Variants in RIOK2 observed in about 807,000 individuals in gnomAD.
RIOK2 encodes the protein serine/threonine-protein kinase RIO2.
A neutral mutation model predicts 62.4 loss-of-function variants in RIOK2; 46 were observed. The ratio of observed to expected loss-of-function variants is 0.74; its 90% confidence interval spans 0.58 to 0.94. RIOK2 has a LOEUF of 0.94. RIOK2 is among the 40% of genes least tolerant of loss of function. The pLI, the probability that RIOK2 is intolerant of heterozygous loss-of-function variation, is 0.00. For missense variants in RIOK2, 574 were observed against 658.0 expected, an observed-to-expected ratio of 0.87 and a Z score of 1.40; for synonymous variants, 197 against 216.0, an observed-to-expected ratio of 0.91 and a Z score of 0.77.
chr5:97,179,353 C>T (rs1464541079), intron 1 of RIOK2, among the ~76,000 whole-genome samples, 160 bp from the exon 2 acceptor site: 3 of 152,164 alleles, frequency 2.0e-5, no homozygotes, highest in Admixed American at 2.0e-4. Flanking sequence ...TTTTTAATTG[C>T]AATTTGAAAT....
At chr5:97,182,902 C>A in intron 1 of RIOK2, 1 of 538,376 alleles carries the variant, frequency 1.9e-6, no homozygotes. Context: ...GAAAAGAAAA[C>A]AATTATTAGA....
chr5:97,167,651 C>G lies in RIOK2; in HGVS notation c.1213G>C (p.Gly405Arg). 1 of 1,614,182 alleles carries G rather than the reference C, an allele frequency of 6.2e-7. No individual in the cohort carries two copies. The highest frequency in any genetic ancestry group is 8.5e-7 in the Non-Finnish European group (1 of 1,180,004). The change falls in exon 8 of 10, where the codon GGG becomes CGG. Residue 405 changes from glycine (G) to arginine (R), a missense_variant. Transcript: ENST00000283109. ...EFNQALEEIK[G>R]QVVENNSVTE... is the part of the protein sequence containing the mutation. ...ACAGAGTTGTTTTCAACAACCTGCC[C>G]TTTTATTTCTTCTAAAGCTTGATTG...
At chr5:97,174,411 C>T (rs1163980758) in intron 4 of RIOK2, among the ~76,000 whole-genome samples, 1 of 150,560 alleles carries the variant, frequency 6.6e-6, no homozygotes. Context: ...TAGAGCAAGA[C>T]TACACCTCAA....
At chr5:97,182,792 G>GCT (rs1554083808) in intron 1 of RIOK2, 22 of 190,372 alleles carry the variant, frequency 1.2e-4, no homozygotes, top group African/African-American at 7.3e-4. Context: ...GGGGGGGGGG[G>GCT]GCTTAAACCT....
chr5:97,180,235 GAAGTT>G (rs1243742686), intron 1 of RIOK2, among the ~76,000 whole-genome samples: 2 of 146,042 alleles, frequency 1.4e-5, no homozygotes, highest in Non-Finnish European at 3.0e-5. Context: ...AAGTTTATTA[GAAGTT>G]AAGAAGTGAT....
Position 97,171,261 on chromosome 5 carries a change from T to C in RIOK2, c.724A>G (p.Ile242Val). ...FNLILDESDHITMIDFPQMVS... is the reference protein window; with the variant it reads ...FNLILDESDHVTMIDFPQMVS... ...ATCTGTGGAAAATCAATCATGGTGA[T>C]ATGGTCACTTTCATCCAAAATGAGA... Residue 242 changes from isoleucine to valine, a missense_variant, in exon 6 of 10, where the codon ATC (isoleucine) becomes GTC (valine). Coordinates refer to ENST00000283109, the MANE Select transcript of RIOK2 (RefSeq NM_018343.3). 1.9e-6 allele frequency: 3 copies of C among 1,604,352 alleles called. No homozygotes were observed. Among genetic ancestry groups the C allele is most frequent in the Non-Finnish European group, 2.6e-6 (3 of 1,175,052 alleles).
intron 2 of RIOK2, among the ~76,000 whole-genome samples, chr5:97,178,432 A>C (rs914282574): frequency 1.3e-5 from 2 of 151,540 alleles, no homozygotes; most frequent in Admixed American, 1.3e-4. Flanking sequence ...GCTTTTCTGC[A>C]GTACCTACTT....
At chr5:97,173,351 G>C in intron 4 of RIOK2, 88 bp from the exon 5 acceptor site, 1 of 748,850 alleles carries the variant, frequency 1.3e-6, no homozygotes, top group South Asian at 1.8e-5. Context: ...TCTACAACCA[G>C]AAAAAAAACA....
rs1554083553 is a variant in RIOK2 at position 97,180,027 on chromosome 5, A to AATATATATATTATATATATATTAT, written c.67-835_67-834insATAATATATATATAATATATATAT. Among the ~76,000 whole-genome samples, 269 of 63,176 alleles carry AATATATATATTATATATATATTAT rather than the reference A, an allele frequency of 4.3e-3. 1 individual carries two copies. The highest frequency in any genetic ancestry group is 0.012 in the Middle Eastern group (2 of 166). The allele number at this position is 63,176 out of a possible 152,430, so 41.4% of individuals were successfully genotyped here. A position where few individuals can be genotyped will look rare whatever the true frequency, so the allele number is the denominator to read the frequency against. ...TATTATATATATATAATATATATATAATATATATATTATATATATATTTTT... is the reference window on the plus strand; with the variant it reads ...TATTATATATATATAATATATATATAATATATATATTATATATATATTATATATATATATTATATATATATTTTT... On this transcript the variant is annotated intron_variant, in intron 1 of 9. Transcript: ENST00000283109.
At chr5:97,181,979 T>C (rs977483219) in intron 1 of RIOK2, among the ~76,000 whole-genome samples, 1 of 152,234 alleles carries the variant, frequency 6.6e-6, no homozygotes, top group African/African-American at 2.4e-5. Flanking sequence ...CTATTTAAGA[T>C]TAATTTTAAA....
chr5:97,166,311 CTGATT>C (rs751096768), intron 8 of RIOK2: 20 of 455,706 alleles, frequency 4.4e-5, no homozygotes, highest in South Asian at 2.9e-4. Context: ...TTTTAAGCTT[CTGATT>C]TAATTTTCCA....
At chr5:97,173,573 G>A (rs1301531251) in intron 4 of RIOK2, among the ~76,000 whole-genome samples, 3 of 152,160 alleles carry the variant, frequency 2.0e-5, no homozygotes, top group Admixed American at 6.5e-5. Context: ...TAAAATTAGT[G>A]TCAAAAAGCC....
chr5:97,180,859 G>A (rs1749388403), intron 1 of RIOK2, among the ~76,000 whole-genome samples: 2 of 152,226 alleles, frequency 1.3e-5, no homozygotes, highest in South Asian at 4.1e-4. Flanking sequence ...TGGAAGTGAT[G>A]AGGAAAAGCA....
intron 1 of RIOK2, chr5:97,182,792 G>GA (rs1554083808): frequency 1.1e-5 from 2 of 190,372 alleles, no homozygotes; most frequent in East Asian, 1.3e-4. Context: ...GGGGGGGGGG[G>GA]GCTTAAACCT....
At chr5:97,170,277 G>T (rs558045250) in intron 6 of RIOK2, among the ~76,000 whole-genome samples, 28 of 152,228 alleles carry the variant, frequency 1.8e-4, no homozygotes, top group South Asian at 6.2e-4. Context: ...TCATGACTTG[G>T]CTGGCTTGGT....
chr5:97,171,462 T>C, intron 5 of RIOK2, 65 bp from the exon 6 acceptor site: 1 of 1,142,608 alleles, frequency 8.8e-7, no homozygotes, highest in East Asian at 2.6e-5. Flanking sequence ...CGAAAGTATG[T>C]ATGCATGTGA....
intron 1 of RIOK2, 135 bp from the exon 2 acceptor site, chr5:97,179,328 C>G (rs540569036): frequency 1.4e-6 from 1 of 720,302 alleles, no homozygotes; most frequent in African/African-American, 1.8e-5. Context: ...TAATCACTTC[C>G]GTCTCTTGAA....
chr5:97,180,027 A>ATAAAAT (rs1328576768), intron 1 of RIOK2, among the ~76,000 whole-genome samples: 4 of 63,452 alleles, frequency 6.3e-5, no homozygotes, highest in African/African-American at 1.8e-4. Context: ...ATATATATAT[A>ATAAAAT]ATATATATAT....
At chr5:97,164,527 AC>A (rs1328576722) in intron 9 of RIOK2, among the ~76,000 whole-genome samples, 6 of 151,684 alleles carry the variant, frequency 4.0e-5, no homozygotes, top group African/African-American at 1.2e-4. Context: ...CAAAAAAAAA[AC>A]AAAAACAAAA....
Sources: gnomAD v4.1 joint callset for allele counts (sites outside exome capture counted in the v4.1 genomes callset) on GRCh38, gnomAD v4.1.1 for gene constraint, MANE v1.5 for transcripts, NCBI Gene and HGNC (gene_info 2026-07-23, HGNC 2026-07-21) for gene names.